Variants in LMO1 observed in about 807,000 individuals in gnomAD.
The protein encoded by LMO1 is rhombotin-1.
A neutral mutation model predicts 18.0 loss-of-function variants in LMO1; 10 were observed. The ratio of observed to expected loss-of-function variants is 0.55; its 90% confidence interval spans 0.34 to 0.94. LMO1 has a LOEUF of 0.94. LMO1 is among the 40% of genes least tolerant of loss of function. The pLI, the probability that LMO1 is intolerant of heterozygous loss-of-function variation, is 0.02. For missense variants in LMO1, 183 were observed against 205.7 expected (o/e 0.89, Z 0.68); for synonymous variants, 77 against 77.9 (o/e 0.99, Z 0.06).
intron 1 of LMO1, 111 bp from the exon 2 acceptor site, chr11:8,230,615 G>T: frequency 8.7e-7 from 1 of 1,146,746 alleles, no homozygotes; most frequent in Non-Finnish European, 1.3e-6. Context: ...GCCCCCTCTA[G>T]GTTTGGGGCT....
intron 1 of LMO1, among the ~76,000 whole-genome samples, chr11:8,247,634 C>A (rs1435051937): frequency 6.6e-6 from 1 of 152,246 alleles, no homozygotes; most frequent in African/African-American, 2.4e-5. Flanking sequence ...ATGGAGAGAG[C>A]CCTATGGAGG....
chr11:8,254,817 G>T (rs895665167), intron 1 of LMO1, among the ~76,000 whole-genome samples: 1 of 152,180 alleles, frequency 6.6e-6, no homozygotes, highest in Non-Finnish European at 1.5e-5. Flanking sequence ...GAGAGTGAGC[G>T]CACTGACTCT....
At chr11:8,244,710 G>A (rs958981492) in intron 1 of LMO1, among the ~76,000 whole-genome samples, 1 of 152,244 alleles carries the variant, frequency 6.6e-6, no homozygotes, top group Non-Finnish European at 1.5e-5. Flanking sequence ...GGCATCTGCA[G>A]GCTGGCCTGG....
chr11:8,261,992 T>C lies in LMO1; in HGVS notation c.25+1346A>G, dbSNP rs111721267. On this transcript the variant is annotated intron_variant, in intron 1 of 3. Coordinates refer to ENST00000335790, the MANE Select transcript of LMO1 (RefSeq NM_002315.3). ...CCACCCCCAGGCCAGATACTTCAAATTCCCCCTCCCTGCTGGATGTCTCAG... is the reference window on the plus strand; with the variant it reads ...CCACCCCCAGGCCAGATACTTCAAACTCCCCCTCCCTGCTGGATGTCTCAG... 2.6e-3 allele frequency among the ~76,000 whole-genome samples: 397 copies of C among 152,256 alleles called. 1 individual carries two copies. The highest frequency in any genetic ancestry group is 4.1e-3 in the Non-Finnish European group (279 of 68,014).
chr11:8,268,016 A>G (rs1847278134), upstream of LMO1, among the ~76,000 whole-genome samples: 1 of 152,206 alleles, frequency 6.6e-6, no homozygotes, highest in Non-Finnish European at 1.5e-5. Flanking sequence ...TAGGGTGCGG[A>G]AGGGGAACGT....
At chr11:8,258,600 T>G (rs1226706217) in intron 1 of LMO1, among the ~76,000 whole-genome samples, 1 of 152,228 alleles carries the variant, frequency 6.6e-6, no homozygotes, top group Non-Finnish European at 1.5e-5. Flanking sequence ...CTCTTGGTCC[T>G]GCCCACAAAT....
upstream of LMO1, chr11:8,268,414 G>A (rs1036398657): frequency 6.8e-7 from 1 of 1,468,540 alleles, no homozygotes; most frequent in Non-Finnish European, 9.0e-7. Context: ...GGCACCGGGC[G>A]CCGGGCACCT....
chr11:8,240,370 G>A (rs1204346089), intron 1 of LMO1, among the ~76,000 whole-genome samples: 1 of 152,194 alleles, frequency 6.6e-6, no homozygotes, highest in Non-Finnish European at 1.5e-5. Context: ...AGGGACTGAG[G>A]AGTTTCCACA....
At chr11:8,268,449 G>A, upstream of LMO1, 1 of 1,458,792 alleles carries the variant, frequency 6.9e-7, no homozygotes, top group Non-Finnish European at 9.0e-7. Flanking sequence ...CCAACACCAT[G>A]GTCCCGACGG....
At chr11:8,234,594 C>T (rs1182712134) in intron 1 of LMO1, among the ~76,000 whole-genome samples, 1 of 152,168 alleles carries the variant, frequency 6.6e-6, no homozygotes, top group African/African-American at 2.4e-5. Context: ...CAGCCCAGAA[C>T]GTCTACCTCA....
intron 1 of LMO1, among the ~76,000 whole-genome samples, chr11:8,259,133 G>A (rs941601522): frequency 5.7e-5 from 5 of 87,788 alleles, no homozygotes; most frequent in East Asian, 5.0e-4. Context: ...GCAAGACACC[G>A]CCATCCAAGG....
chr11:8,234,333 C>T (rs1165565835), intron 1 of LMO1, among the ~76,000 whole-genome samples: 1 of 152,162 alleles, frequency 6.6e-6, no homozygotes, highest in Non-Finnish European at 1.5e-5. Flanking sequence ...CATCCCGCCC[C>T]TCCCACTCTC....
chr11:8,263,308 G>A (rs1350360787), intron 1 of LMO1, 30 bp downstream of exon 1: 1 of 1,593,130 alleles, frequency 6.3e-7, no homozygotes, highest in South Asian at 1.1e-5. Flanking sequence ...GAGGGGGTGA[G>A]GGGCGTCGAG....
upstream of LMO1, chr11:8,268,310 GC>G: frequency 1.2e-6 from 1 of 819,098 alleles, no homozygotes; most frequent in Non-Finnish European, 1.7e-6. Flanking sequence ...GAGGAGGCCC[GC>G]GGGTGCTGAG....
chr11:8,244,270 A>G (rs927537376), intron 1 of LMO1, among the ~76,000 whole-genome samples: 1 of 152,176 alleles, frequency 6.6e-6, no homozygotes, highest in African/African-American at 2.4e-5. Context: ...CTGGCTTTGC[A>G]AGGAAATTAC....
At chr11:8,261,224 C>T (rs549304903) in intron 1 of LMO1, among the ~76,000 whole-genome samples, 7 of 152,246 alleles carry the variant, frequency 4.6e-5, no homozygotes, top group African/African-American at 1.7e-4. Flanking sequence ...TGGTAGTGGG[C>T]ACCATATTGT....
intron 1 of LMO1, among the ~76,000 whole-genome samples, chr11:8,234,739 C>T (rs1012241102): frequency 3.9e-5 from 6 of 152,202 alleles, no homozygotes; most frequent in African/African-American, 1.2e-4. Context: ...ACTGCTGGCT[C>T]TGCCCCCTGC....
At chr11:8,249,876 C>T (rs1164324335) in intron 1 of LMO1, among the ~76,000 whole-genome samples, 1 of 152,208 alleles carries the variant, frequency 6.6e-6, no homozygotes, top group African/African-American at 2.4e-5. Flanking sequence ...ATTTACTAAG[C>T]ATCTACCAGC....
At chr11:8,252,870 G>A (rs1847024884) in intron 1 of LMO1, among the ~76,000 whole-genome samples, 1 of 152,260 alleles carries the variant, frequency 6.6e-6, no homozygotes, top group Non-Finnish European at 1.5e-5. Flanking sequence ...GAGAGAATAA[G>A]TAGGTATTGT....
Sources: gnomAD v4.1 joint callset for allele counts (sites outside exome capture counted in the v4.1 genomes callset) on GRCh38, gnomAD v4.1.1 for gene constraint, MANE v1.5 for transcripts, NCBI Gene and HGNC (gene_info 2026-07-23, HGNC 2026-07-21) for gene names.